Variants in HROB observed in about 807,000 individuals in gnomAD.
HROB encodes the protein homologous recombination factor with OB-fold.
In HROB, 44 loss-of-function variants were observed where a neutral mutation model predicts 61.0. That is an observed-to-expected ratio of 0.72 (90% confidence interval 0.57 to 0.93). HROB has a LOEUF of 0.93. Among genes scored for constraint, HROB ranks in the 40% least tolerant of loss-of-function variants. The pLI, the probability that HROB is intolerant of heterozygous loss-of-function variation, is 0.00. For synonymous variants in HROB, 301 were observed against 310.4 expected, an observed-to-expected ratio of 0.97 and a Z score of 0.32; for missense variants, 716 against 796.2, an observed-to-expected ratio of 0.90 and a Z score of 1.21.
rs117958087 is a variant in HROB at position 44,158,022 on chromosome 17, C to T, written c.1879+81C>T. 6,709 of 954,538 alleles carry T rather than the reference C, an allele frequency of 7.0e-3. 25 individuals are homozygous for T. The highest frequency in any genetic ancestry group is 8.4e-3 in the Non-Finnish European group (5,301 of 634,568). The allele number at this position is 954,538 out of a possible 1,614,324, so 59.1% of individuals were successfully genotyped here. ...TGAACCAGAATCTTCCTGGCTATATCTTGTTCCTCTTTCCATGAATCTTTG... is the reference window on the plus strand; with the variant it reads ...TGAACCAGAATCTTCCTGGCTATATTTTGTTCCTCTTTCCATGAATCTTTG... On this transcript the variant is annotated intron_variant, in intron 9 of 9. Coordinates refer to ENST00000585683, the MANE Select transcript of HROB (RefSeq NM_001171251.3).
Position 44,142,787 on chromosome 17 carries a change from G to T in HROB, c.3+642G>T, listed in dbSNP as rs1005842702. ...CCTTGGATTAGGTAGGGAAACTACT[G>T]GCTTCATTTGCAGAAACAATGCCAC... On this transcript the variant is annotated intron_variant, in intron 1 of 9. Transcript: ENST00000585683. Among the ~76,000 whole-genome samples the T allele has an allele frequency of 6.6e-5, 10 of 152,102 alleles. 1 individual carries two copies. Among genetic ancestry groups the T allele is most frequent in the African/African-American group, 2.4e-4 (10 of 41,440 alleles).
chr17:44,142,314 G>T (rs762371805), intron 1 of HROB, among the ~76,000 whole-genome samples, 169 bp downstream of exon 1: 3 of 152,044 alleles, frequency 2.0e-5, no homozygotes, highest in Non-Finnish European at 4.4e-5. Flanking sequence ...TCATGGACGC[G>T]CCGGAGACCC....
chr17:44,144,032 C>A (rs1160503566), intron 1 of HROB, among the ~76,000 whole-genome samples: 1 of 151,550 alleles, frequency 6.6e-6, no homozygotes, highest in Non-Finnish European at 1.5e-5. Flanking sequence ...GGCTGGAGTT[C>A]AGTGGTGCAA....
intron 7 of HROB, 134 bp from the exon 8 acceptor site, chr17:44,155,152 T>G (rs575168342): frequency 4.3e-6 from 6 of 1,406,856 alleles, no homozygotes; most frequent in Non-Finnish European, 4.9e-6. Context: ...AAGGGGAGAT[T>G]GTGGCAAATG....
intron 3 of HROB, among the ~76,000 whole-genome samples, chr17:44,149,744 T>G (rs1402871925): frequency 1.3e-5 from 2 of 152,198 alleles, no homozygotes; most frequent in Non-Finnish European, 1.5e-5. Context: ...GTTGGACAAT[T>G]TGCTTGGAAC....
chr17:44,147,367 G>A (rs1194405818), intron 2 of HROB, among the ~76,000 whole-genome samples: 2 of 151,984 alleles, frequency 1.3e-5, no homozygotes, highest in Non-Finnish European at 2.9e-5. Flanking sequence ...CCATGGGTGA[G>A]GTCAGAGGTG....
At chr17:44,152,981 GT>G (rs2053860784) in intron 5 of HROB, among the ~76,000 whole-genome samples, 1 of 152,158 alleles carries the variant, frequency 6.6e-6, no homozygotes, top group Non-Finnish European at 1.5e-5. Context: ...GAAGGAGAGA[GT>G]GGGTTATGGT....
intron 9 of HROB, among the ~76,000 whole-genome samples, chr17:44,159,617 G>T (rs1319968327): frequency 1.3e-5 from 2 of 152,242 alleles, no homozygotes; most frequent in Non-Finnish European, 2.9e-5. Context: ...AGGCAAGGGG[G>T]CAGGGTAAGG....
At chr17:44,151,351 TTG>T (rs1378777058) in intron 4 of HROB, among the ~76,000 whole-genome samples, 1 of 152,128 alleles carries the variant, frequency 6.6e-6, no homozygotes, top group Non-Finnish European at 1.5e-5. Flanking sequence ...TATTATGAGA[TTG>T]TGTCTCAGGA....
At chr17:44,149,118 G>A in intron 3 of HROB, 91 bp downstream of exon 3, 1 of 1,281,890 alleles carries the variant, frequency 7.8e-7, no homozygotes, top group South Asian at 1.4e-5. Context: ...CCCTCTTGCA[G>A]AGAAGGAAGG....
intron 5 of HROB, among the ~76,000 whole-genome samples, chr17:44,153,381 G>A (rs1236281140): frequency 2.0e-5 from 3 of 152,094 alleles, no homozygotes; most frequent in Non-Finnish European, 4.4e-5. Context: ...CTTGATCTTA[G>A]GAGGTTGAGG....
At position 44,154,771 on chromosome 17, in the gene HROB, C is replaced by T. The variant is rs888171119; in HGVS notation, c.1559-82C>T. ...CAGACAGGAAAACTGAGGCAGTGAGCAGCCCACTTCCCAGCCAGGGCCCAT... is the reference window on the plus strand; with the variant it reads ...CAGACAGGAAAACTGAGGCAGTGAGTAGCCCACTTCCCAGCCAGGGCCCAT... On this transcript the variant is annotated intron_variant, in intron 6 of 9. Transcript: ENST00000585683. The T allele has an allele frequency of 1.9e-6, 3 of 1,588,108 alleles. No homozygotes were observed. The African/African-American group carries it at 4.0e-5, about 21-fold the overall frequency.
chr17:44,146,828 C>T (rs1177160422), intron 2 of HROB, among the ~76,000 whole-genome samples: 2 of 152,118 alleles, frequency 1.3e-5, no homozygotes, highest in Admixed American at 6.6e-5. Context: ...GGTGGGGACC[C>T]TCCTGTCAGT....
At chr17:44,150,246 C>T (rs1030140959) in intron 3 of HROB, among the ~76,000 whole-genome samples, 4 of 152,136 alleles carry the variant, frequency 2.6e-5, no homozygotes, top group Non-Finnish European at 4.4e-5. Flanking sequence ...CTGCCTGTTA[C>T]TTGCTCTTCC....
intron 2 of HROB, 96 bp from the exon 3 acceptor site, chr17:44,147,762 C>T (rs745739266): frequency 8.1e-7 from 1 of 1,238,582 alleles, no homozygotes; most frequent in African/African-American, 1.5e-5. Context: ...TTTCAAGTAT[C>T]TACACACAAA....
At chr17:44,155,245 T>G (rs1425291244) in intron 7 of HROB, 41 bp from the exon 8 acceptor site, 1 of 1,610,350 alleles carries the variant, frequency 6.2e-7, no homozygotes, top group East Asian at 2.2e-5. Flanking sequence ...CAGCTCCCAG[T>G]GCTCCATCAG....
intron 2 of HROB, among the ~76,000 whole-genome samples, chr17:44,147,227 C>T (rs1003966012): frequency 6.6e-6 from 1 of 151,960 alleles, no homozygotes; most frequent in Admixed American, 6.6e-5. Context: ...CTTCTTGGTT[C>T]CCTGGAACGT....
rs1157588024 is a variant in HROB at position 44,150,376 on chromosome 17, TTTTCTTTC to T, written c.1225-573_1225-566del. Among the ~76,000 whole-genome samples, 3 of 143,810 alleles carry T rather than the reference TTTTCTTTC, an allele frequency of 2.1e-5. No homozygotes were observed. The South Asian group carries it at 6.4e-4, about 31-fold the overall frequency. The allele number at this position is 143,810 out of a possible 152,430, so 94.3% of individuals were successfully genotyped here. On this transcript the variant is annotated intron_variant, in intron 3 of 9. Transcript: ENST00000585683. ...CTTTGCTCATCACAGGCCTCTCAAT[TTTTCTTTC>T]TTTCTTTCTTTTTTTTTTTTTTTAA...
intron 7 of HROB, 89 bp from the exon 8 acceptor site, chr17:44,155,197 C>A: frequency 1.9e-6 from 3 of 1,568,080 alleles, no homozygotes; most frequent in Non-Finnish European, 2.6e-6. Context: ...GCAGAGGACA[C>A]CAAGTGAAAG....
Sources: allele counts gnomAD v4.1 joint callset (sites outside exome capture counted in the v4.1 genomes callset), GRCh38; gene constraint gnomAD v4.1.1; transcripts MANE v1.5; gene names NCBI Gene and HGNC (gene_info 2026-07-23, HGNC 2026-07-21).